NCALD: variants seen among roughly 807,000 people sequenced by gnomAD.
The protein encoded by NCALD is neurocalcin delta.
In NCALD, 10 loss-of-function variants were observed where a neutral mutation model predicts 18.6. The observed-to-expected ratio is 0.54, with a 90% CI of 0.33 to 0.91. The LOEUF is 0.91. Ranked by LOEUF, NCALD falls within the 40% of genes least tolerant of loss-of-function variation. NCALD has a pLI of 0.03. For missense variants in NCALD, 184 were observed against 247.6 expected (o/e 0.74, Z 1.72); for synonymous variants, 88 against 87.4 (o/e 1.01, Z -0.04).
chr8:101,721,338 G>A (rs111631282), intron 1 of NCALD: 1 of 152,518 alleles, frequency 6.6e-6, no homozygotes, highest in Non-Finnish European at 1.5e-5. Flanking sequence ...CTCCACTGGG[G>A]TTGCTTCGTC....
At chr8:101,860,510 A>C (rs1815495888) in intron 4 of NCALD, among the ~76,000 whole-genome samples, 2 of 152,214 alleles carry the variant, frequency 1.3e-5, no homozygotes, top group Non-Finnish European at 2.9e-5. Flanking sequence ...CTTACTGAGA[A>C]AATTGTTCTG....
intron 4 of NCALD, among the ~76,000 whole-genome samples, chr8:101,848,722 C>T (rs1289877014): frequency 6.6e-6 from 1 of 152,002 alleles, no homozygotes; most frequent in African/African-American, 2.4e-5. Context: ...CAATTTTTTG[C>T]ATGTATCTAG....
intron 3 of NCALD, among the ~76,000 whole-genome samples, chr8:101,907,661 G>A (rs540596419): frequency 2.0e-5 from 3 of 152,028 alleles, no homozygotes; most frequent in African/African-American, 4.8e-5. Flanking sequence ...CAGAGGGGAC[G>A]GGACAGGAGG....
At chr8:101,798,153 G>A (rs1812710501) in intron 4 of NCALD, among the ~76,000 whole-genome samples, 1 of 152,104 alleles carries the variant, frequency 6.6e-6, no homozygotes. Context: ...AAAAGTTCTA[G>A]CCATTTCAAT....
intron 2 of NCALD, among the ~76,000 whole-genome samples, chr8:102,009,434 T>A (rs1821828975): frequency 6.6e-6 from 1 of 152,160 alleles, no homozygotes. Context: ...TTTGTTTCCG[T>A]CTCCCTGAAT....
chr8:101,906,003 TTA>T (rs1817598920), intron 3 of NCALD, among the ~76,000 whole-genome samples: 2 of 152,206 alleles, frequency 1.3e-5, no homozygotes, highest in African/African-American at 4.8e-5. Flanking sequence ...CATGAATCAT[TTA>T]TGTGATTCAT....
At chr8:101,874,544 A>AT (rs557625884) in intron 4 of NCALD, among the ~76,000 whole-genome samples, 7 of 151,340 alleles carry the variant, frequency 4.6e-5, no homozygotes, top group Admixed American at 6.6e-5. Context: ...TCAAAAAAAA[A>AT]TTTTTTTTTC....
chr8:101,725,034 C>A (rs1237132639), intron 1 of NCALD, among the ~76,000 whole-genome samples: 1 of 152,158 alleles, frequency 6.6e-6, no homozygotes, highest in East Asian at 1.9e-4. Context: ...AGCAAACAGG[C>A]AAAGCCCCTG....
At chr8:101,804,219 T>C (rs1382665421) in intron 4 of NCALD, among the ~76,000 whole-genome samples, 1 of 150,158 alleles carries the variant, frequency 6.7e-6, no homozygotes, top group African/African-American at 2.4e-5. Context: ...AAATTAGCAA[T>C]TTTAGAAAAT....
At chr8:101,857,971 A>G (rs950954046) in intron 4 of NCALD, among the ~76,000 whole-genome samples, 1 of 152,208 alleles carries the variant, frequency 6.6e-6, no homozygotes, top group Non-Finnish European at 1.5e-5. Flanking sequence ...AAGGATGCAG[A>G]GTAATGAGCA....
chr8:102,106,660 T>G (rs893559524), intron 1 of NCALD, among the ~76,000 whole-genome samples: 1 of 152,140 alleles, frequency 6.6e-6, no homozygotes, highest in Non-Finnish European at 1.5e-5. Context: ...AAGAGTTCTC[T>G]CTTTGTCTGC....
chr8:101,729,293 A>C (rs116173320), intron 1 of NCALD, among the ~76,000 whole-genome samples: 3,364 of 152,352 alleles, frequency 0.022, 132 homozygotes, highest in African/African-American at 0.076. Context: ...GAAAAAATTA[A>C]AAGAGGGAGA....
At chr8:101,918,740 C>CCACACACACACA (rs34480976) in intron 2 of NCALD, among the ~76,000 whole-genome samples, 1,437 of 140,708 alleles carry the variant, frequency 0.01, 8 homozygotes, top group Non-Finnish European at 0.013. Context: ...TTTACAATAG[C>CCACACACACACA]CACACACACA....
chr8:101,984,294 T>C (rs531349587), intron 2 of NCALD, among the ~76,000 whole-genome samples: 2 of 152,228 alleles, frequency 1.3e-5, no homozygotes, highest in Admixed American at 1.3e-4. Context: ...TCAAGACTAA[T>C]TGTATAGACA....
chr8:101,833,612 T>C, intron 4 of NCALD, among the ~76,000 whole-genome samples: 1 of 66,550 alleles, frequency 1.5e-5, no homozygotes, highest in Non-Finnish European at 2.8e-5. Context: ...TGTTTCTTGT[T>C]TTTTTTTTTT....
chr8:101,990,508 C>G (rs181595670), intron 2 of NCALD, among the ~76,000 whole-genome samples: 1 of 152,072 alleles, frequency 6.6e-6, no homozygotes, highest in Non-Finnish European at 1.5e-5. Flanking sequence ...GTCGGGGGGA[C>G]CCGGTAGGAG....
chr8:102,076,202 A>T (rs1035057078), intron 1 of NCALD, among the ~76,000 whole-genome samples: 9 of 152,186 alleles, frequency 5.9e-5, no homozygotes, highest in African/African-American at 2.2e-4. Context: ...TTATTAAGAA[A>T]ATGTGTTATG....
intron 4 of NCALD, among the ~76,000 whole-genome samples, chr8:101,870,321 C>T (rs558322700): frequency 7.9e-4 from 120 of 152,174 alleles, no homozygotes; most frequent in African/African-American, 2.8e-3. Context: ...AATAAGAAAA[C>T]CTTTTCCCAT....
intron 2 of NCALD, 30 bp from the exon 3 acceptor site, chr8:101,692,926 C>A: frequency 6.6e-7 from 1 of 1,504,574 alleles, no homozygotes. Flanking sequence ...GGTGGTAAGA[C>A]AGAAAAACAG....
Sources: gnomAD v4.1 joint callset for allele counts (sites outside exome capture counted in the v4.1 genomes callset) on GRCh38, gnomAD v4.1.1 for gene constraint, MANE v1.5 for transcripts, NCBI Gene and HGNC (gene_info 2026-07-23, HGNC 2026-07-21) for gene names.